ZPLD1: variants seen among roughly 807,000 people sequenced by gnomAD.
ZPLD1 encodes the protein zona pellucida like domain containing 1, also known as zona pellucida-like domain-containing protein 1.
Under a neutral mutation model 47.2 loss-of-function variants are expected in ZPLD1, and 34 were observed. The ratio of observed to expected loss-of-function variants is 0.72; its 90% confidence interval spans 0.55 to 0.96. The LOEUF (loss-of-function observed/expected upper bound fraction) is 0.96. Among genes scored for constraint, ZPLD1 ranks in the 40% least tolerant of loss-of-function variants. ZPLD1 has a pLI of 0.00. For synonymous variants in ZPLD1, 176 were observed against 186.2 expected (o/e 0.95, Z 0.45); for missense variants, 512 against 505.8 (o/e 1.01, Z -0.12).
At chr3:102,408,881 T>G (rs1008573977) in intron 7 of ZPLD1, among the ~76,000 whole-genome samples, 19 of 151,854 alleles carry the variant, frequency 1.3e-4, no homozygotes, top group Admixed American at 1.1e-3. Context: ...AATAATAATC[T>G]AAACAAACAA....
Position 102,426,672 on chromosome 3 carries a change from A to C in ZPLD1, c.-9+8465A>C, listed in dbSNP as rs2107310799. On this transcript the variant is annotated intron_variant, in intron 8 of 17. Coordinates refer to the ZPLD1 transcript ENST00000491959. Reference sequence around the variant, plus strand: ...GAAGCAATTAATATGGTGCTAATTGAAGTGTTTAAATGTAAGGGCTTAAAT... The same window carrying C: ...GAAGCAATTAATATGGTGCTAATTGCAGTGTTTAAATGTAAGGGCTTAAAT... 1.3e-5 allele frequency among the ~76,000 whole-genome samples: 2 copies of C among 152,292 alleles called. 1 individual carries two copies. The highest frequency in any genetic ancestry group is 4.1e-4 in the South Asian group (2 of 4,822).
At chr3:102,388,961 G>A in intron 6 of ZPLD1, among the ~76,000 whole-genome samples, 1 of 152,148 alleles carries the variant, frequency 6.6e-6, no homozygotes, top group East Asian at 1.9e-4. Context: ...CTCTTGTGTT[G>A]GTGTTAAGAA....
upstream of ZPLD1, among the ~76,000 whole-genome samples, chr3:102,431,079 A>C (rs1209842865): frequency 6.6e-6 from 1 of 152,182 alleles, no homozygotes; most frequent in Non-Finnish European, 1.5e-5. Context: ...TACTCCCCCA[A>C]AACTCAGATT....
At chr3:102,427,638 AT>A (rs752837891) in intron 8 of ZPLD1, among the ~76,000 whole-genome samples, 1 of 152,338 alleles carries the variant, frequency 6.6e-6, no homozygotes, top group Non-Finnish European at 1.5e-5. Context: ...TTCATTTCAC[AT>A]ATGAAGTAGT....
chr3:102,393,296 C>T (rs1250404306), intron 7 of ZPLD1, among the ~76,000 whole-genome samples: 1 of 152,104 alleles, frequency 6.6e-6, no homozygotes, highest in Admixed American at 6.6e-5. Flanking sequence ...TGTGCTATTA[C>T]GTGTGTTCAT....
At chr3:102,455,813 C>T (rs140942708) in intron 4 of ZPLD1, among the ~76,000 whole-genome samples, 1 of 152,230 alleles carries the variant, frequency 6.6e-6, no homozygotes, top group East Asian at 1.9e-4. Context: ...ACAGCATTAT[C>T]ATCAAGAGTT....
In ZPLD1 at chr3:102,402,739, G is replaced by A. The variant is rs142547815; in HGVS notation, c.-157+10514G>A. ...ATCTTTATTCAAGCAAAAACCCAGA[G>A]GTTAGAAAATGTCAAGCTGTTTCCT... On this transcript the variant is annotated intron_variant, in intron 7 of 17. Coordinates refer to the ZPLD1 transcript ENST00000491959. Among the ~76,000 whole-genome samples, 100 of 152,048 alleles carry A rather than the reference G, an allele frequency of 6.6e-4. 1 individual carries two copies. Among genetic ancestry groups the A allele is most frequent in the African/African-American group, 2.3e-3 (97 of 41,534 alleles).
intron 3 of ZPLD1, among the ~76,000 whole-genome samples, chr3:102,446,392 A>G (rs1386760418): frequency 6.6e-6 from 1 of 152,186 alleles, no homozygotes; most frequent in South Asian, 2.1e-4. Flanking sequence ...GAATACTCTC[A>G]TTGGTAATTT....
At chr3:102,467,604 A>G (rs1045205822) in intron 8 of ZPLD1, among the ~76,000 whole-genome samples, 13 of 152,114 alleles carry the variant, frequency 8.5e-5, no homozygotes, top group African/African-American at 2.9e-4. Flanking sequence ...ACAGTGTTGG[A>G]CATGGATAAC....
intron 8 of ZPLD1, among the ~76,000 whole-genome samples, chr3:102,421,335 A>T (rs561725051): frequency 4.3e-4 from 65 of 151,966 alleles, no homozygotes; most frequent in South Asian, 3.7e-3. Context: ...TGGAATTGGA[A>T]ATAATTTGTG....
chr3:102,465,262 A>G (rs886820275), intron 8 of ZPLD1, among the ~76,000 whole-genome samples: 2 of 152,204 alleles, frequency 1.3e-5, no homozygotes, highest in Non-Finnish European at 2.9e-5. Flanking sequence ...TTCAGCAATA[A>G]GGAAATAGCT....
At chr3:102,396,672 TTA>T (rs1323449774) in intron 7 of ZPLD1, among the ~76,000 whole-genome samples, 1 of 152,072 alleles carries the variant, frequency 6.6e-6, no homozygotes, top group African/African-American at 2.4e-5. Flanking sequence ...GATTGCAGGG[TTA>T]GCCGGTGGCA....
At chr3:102,439,786 ATCCT>A (rs1707147262) in intron 3 of ZPLD1, among the ~76,000 whole-genome samples, 1 of 152,224 alleles carries the variant, frequency 6.6e-6, no homozygotes, top group African/African-American at 2.4e-5. Context: ...AAAAATCATT[ATCCT>A]TTACGTATAC....
intron 7 of ZPLD1, among the ~76,000 whole-genome samples, chr3:102,411,441 ATAGT>A (rs945343014): frequency 6.6e-6 from 1 of 151,822 alleles, no homozygotes; most frequent in Admixed American, 6.6e-5. Context: ...TGATTTAAAA[ATAGT>A]TATTTATGCT....
rs77349319 is a variant in ZPLD1, at chr3:102,413,662, C to T, written c.-156-4398C>T. On this transcript the variant is annotated intron_variant, in intron 7 of 17. Coordinates refer to the ZPLD1 transcript ENST00000491959. ...CCTACTCTTTAACTCAGGAGAATGCCAGTACTGACCAGCTGGGTAGTGCTG... is the reference window on the plus strand; with the variant it reads ...CCTACTCTTTAACTCAGGAGAATGCTAGTACTGACCAGCTGGGTAGTGCTG... Among the ~76,000 whole-genome samples the T allele has an allele frequency of 6.3e-3, 952 of 151,688 alleles. 16 individuals are homozygous for T. Among genetic ancestry groups the T allele is most frequent in the African/African-American group, 0.022 (906 of 41,396 alleles).
chr3:102,429,347 G>C (rs892790730), intron 8 of ZPLD1, among the ~76,000 whole-genome samples: 18 of 152,166 alleles, frequency 1.2e-4, no homozygotes, highest in African/African-American at 4.3e-4. Context: ...TTTCTGATTT[G>C]ACAGAATCTT....
At chr3:102,385,825 G>T (rs1706418654) in intron 6 of ZPLD1, among the ~76,000 whole-genome samples, 1 of 152,188 alleles carries the variant, frequency 6.6e-6, no homozygotes, top group East Asian at 1.9e-4. Context: ...TTGCAAGCAT[G>T]ATTTAGTTTT....
chr3:102,400,138 C>G (rs893375276), intron 7 of ZPLD1, among the ~76,000 whole-genome samples: 5 of 151,884 alleles, frequency 3.3e-5, no homozygotes, highest in African/African-American at 1.2e-4. Flanking sequence ...AATTTTAAAG[C>G]ATAACTCAGT....
chr3:102,475,077 C>T (rs971606169), intron 10 of ZPLD1, among the ~76,000 whole-genome samples: 5 of 151,798 alleles, frequency 3.3e-5, no homozygotes, highest in African/African-American at 1.2e-4. Context: ...CCTTTATTCA[C>T]TGTCAAATAC....
Sources: allele counts gnomAD v4.1 joint callset (sites outside exome capture counted in the v4.1 genomes callset), GRCh38; gene constraint gnomAD v4.1.1; transcripts MANE v1.5; gene names NCBI Gene and HGNC (gene_info 2026-07-23, HGNC 2026-07-21).